The following PES1 variants were observed in gnomAD, a reference collection of about 807,000 sequenced individuals.
PES1 encodes the protein pescadillo homolog.
A neutral mutation model predicts 77.1 loss-of-function variants in PES1; 31 were observed. The observed-to-expected ratio is 0.40, with a 90% CI of 0.30 to 0.54. The LOEUF (loss-of-function observed/expected upper bound fraction) is 0.54. PES1 is among the 20% of genes least tolerant of loss of function. PES1 has a pLI of 0.45. For synonymous variants in PES1, 282 were observed against 303.0 expected (o/e 0.93, Z 0.72); for missense variants, 658 against 771.7 (o/e 0.85, Z 1.75).
intron 2 of PES1, chr22:30,604,028 T>C (rs748498903): frequency 3.3e-5 from 5 of 152,318 alleles, no homozygotes; most frequent in Middle Eastern, 6.8e-3. Context: ...GCTCCAAGTA[T>C]CACAGGGCTG....
chr22:30,592,197 G>A (rs1032872832), upstream of PES1: 1 of 1,061,136 alleles, frequency 9.4e-7, no homozygotes, highest in South Asian at 4.0e-5. Context: ...GGAAGGCTTA[G>A]GGACAGCGCG....
chr22:30,583,168 G>A (rs949408472), intron 6 of PES1, among the ~76,000 whole-genome samples: 1 of 152,182 alleles, frequency 6.6e-6, no homozygotes, highest in Non-Finnish European at 1.5e-5. Flanking sequence ...AGGAAGGAAG[G>A]AGGAGGAGAG....
chr22:30,584,172 G>C, intron 6 of PES1, 193 bp downstream of exon 6: 1 of 605,796 alleles, frequency 1.7e-6, no homozygotes, highest in Non-Finnish European at 3.0e-6. Context: ...GGCAGGTGCT[G>C]CCATAGGGCT....
At chr22:30,592,162 G>GTT, upstream of PES1, 1 of 1,131,044 alleles carries the variant, frequency 8.8e-7, no homozygotes, top group Non-Finnish European at 1.1e-6. Context: ...TGTGAGCCTC[G>GTT]TTGCATGTTG....
In PES1 at chr22:30,597,853, C is replaced by T. The variant is rs115692194; in HGVS notation, c.-660-5455G>A. Among the ~76,000 whole-genome samples, 307 of 143,760 alleles carry T rather than the reference C, an allele frequency of 2.1e-3. 1 individual carries two copies. The highest frequency in any genetic ancestry group is 7.6e-3 in the African/African-American group (289 of 38,272). 94.3% of individuals were successfully genotyped at this position (143,760 alleles called of 152,430 possible). ...CCCGACTCAGCTGTGGTAACTCGCT[C>T]GGTTTTTTTTCCACGCAGTTGAAGT... is the stretch of plus-strand genomic sequence containing the variant. On this transcript the variant is annotated intron_variant, in intron 2 of 16. Coordinates refer to the PES1 transcript ENST00000402281.
At chr22:30,597,388 A>G (rs374553246) in intron 2 of PES1, among the ~76,000 whole-genome samples, 708 of 14,054 alleles carry the variant, frequency 0.05, 4 homozygotes, top group Non-Finnish European at 0.059. Flanking sequence ...AAATACACCA[A>G]TCAGCACTCT....
chr22:30,579,710 G>A (rs750431816), intron 12 of PES1, 41 bp downstream of exon 12: 1 of 1,583,390 alleles, frequency 6.3e-7, no homozygotes, highest in Non-Finnish European at 8.6e-7. Flanking sequence ...CAGCCAGCGT[G>A]GGCCCAGGGG....
intron 1 of PES1, among the ~76,000 whole-genome samples, chr22:30,606,340 C>G (rs2087441962): frequency 6.6e-6 from 1 of 152,150 alleles, no homozygotes; most frequent in South Asian, 2.1e-4. Context: ...AAGCGATCCT[C>G]CTGCCTCAGC....
Position 30,601,471 on chromosome 22 carries a change from T to C in PES1, c.-661+3990A>G, listed in dbSNP as rs1008042786. Among the ~76,000 whole-genome samples, 22 of 151,948 alleles carry C rather than the reference T, an allele frequency of 1.4e-4. 4 individuals carry two copies. The highest frequency in any genetic ancestry group is 1.3e-3 in the Admixed American group (20 of 15,258). Reference sequence around the variant, plus strand: ...GGGATTGCAGGTGTGAACCACCATGTTTGGCTCATTTTTGTATTTTTAATA... The same window carrying C: ...GGGATTGCAGGTGTGAACCACCATGCTTGGCTCATTTTTGTATTTTTAATA... On this transcript the variant is annotated intron_variant, in intron 2 of 16. Coordinates refer to the PES1 transcript ENST00000402281.
intron 2 of PES1, 28 bp downstream of exon 2, chr22:30,589,163 G>T: frequency 6.3e-7 from 1 of 1,578,320 alleles, no homozygotes; most frequent in Non-Finnish European, 8.7e-7. Context: ...TTCACTGCCC[G>T]GGCTTCCCAC....
At chr22:30,584,512 G>C (rs1480336665) in intron 5 of PES1, 34 bp downstream of exon 5, 1 of 1,609,096 alleles carries the variant, frequency 6.2e-7, no homozygotes, top group African/African-American at 1.3e-5. Context: ...AGAGGGGGCA[G>C]GGTGGGATGC....
chr22:30,591,981 G>A, upstream of PES1: 2 of 1,380,464 alleles, frequency 1.4e-6, no homozygotes, highest in South Asian at 1.7e-5. Flanking sequence ...TACAAGTCCA[G>A]GGAAAGATGG....
rs1448525985 is a variant in PES1 at position 30,579,463 on chromosome 22, C to A, written c.1355-160G>T. 2.5e-6 allele frequency: 3 copies of A among 1,200,752 alleles called. No homozygotes were observed. The East Asian group carries it at 7.1e-5, about 28-fold the overall frequency. 74.4% of individuals were successfully genotyped at this position (1,200,752 alleles called of 1,614,324 possible). A position where few individuals can be genotyped will look rare whatever the true frequency, so the allele number is the denominator to read the frequency against. On this transcript the variant is annotated intron_variant, in intron 12 of 14. Coordinates refer to ENST00000354694, the MANE Select transcript of PES1 (RefSeq NM_014303.4). ...GCCCTCTCTTGCACCTCCCCACAGC[C>A]CAGCTGCCATCAGAGGAAATTCCAA...
intron 6 of PES1, among the ~76,000 whole-genome samples, chr22:30,582,368 C>T (rs2087001470): frequency 6.6e-6 from 1 of 152,188 alleles, no homozygotes; most frequent in Non-Finnish European, 1.5e-5. Context: ...CCTGGCTCAG[C>T]CCCCAGGGAG....
chr22:30,596,097 G>A (rs2087248706), upstream of PES1, among the ~76,000 whole-genome samples: 1 of 152,082 alleles, frequency 6.6e-6, no homozygotes, highest in Admixed American at 6.6e-5. Context: ...ATTACATCAA[G>A]GAAAATTCAG....
intron 1 of PES1, among the ~76,000 whole-genome samples, chr22:30,589,695 C>A (rs1271742714): frequency 6.8e-6 from 1 of 147,864 alleles, no homozygotes; most frequent in Non-Finnish European, 1.5e-5. Flanking sequence ...AAGCACACAG[C>A]TTTTTAAGAG....
At chr22:30,602,271 T>C (rs192851680) in intron 2 of PES1, among the ~76,000 whole-genome samples, 2 of 152,218 alleles carry the variant, frequency 1.3e-5, no homozygotes, top group Non-Finnish European at 2.9e-5. Flanking sequence ...ACTTTCTCAA[T>C]CTCTCTACTG....
chr22:30,602,853 G>GA (rs1237573802), intron 2 of PES1, among the ~76,000 whole-genome samples: 1 of 152,170 alleles, frequency 6.6e-6, no homozygotes, highest in Non-Finnish European at 1.5e-5. Context: ...ACCATTTGAT[G>GA]AAATGTCTTA....
At chr22:30,591,743 G>A (rs1209350231) in intron 1 of PES1, 67 bp downstream of exon 1, 4 of 1,518,388 alleles carry the variant, frequency 2.6e-6, no homozygotes, top group East Asian at 2.5e-5. Flanking sequence ...CGGGAAAAGA[G>A]TCGACCCCAT....
Sources: allele counts gnomAD v4.1 joint callset (sites outside exome capture counted in the v4.1 genomes callset), GRCh38; gene constraint gnomAD v4.1.1; transcripts MANE v1.5; gene names NCBI Gene and HGNC (gene_info 2026-07-23, HGNC 2026-07-21).